Variants in GBF1 observed in about 807,000 individuals in gnomAD.
GBF1 encodes the protein golgi brefeldin A resistant guanine nucleotide exchange factor 1, also known as Golgi-specific brefeldin A-resistance guanine nucleotide exchange factor 1.
In GBF1, 114 loss-of-function variants were observed where a neutral mutation model predicts 210.5. The observed-to-expected ratio is 0.54, with a 90% CI of 0.47 to 0.63. The LOEUF (loss-of-function observed/expected upper bound fraction) is 0.63. GBF1 is among the 30% of genes least tolerant of loss of function. The pLI is 0.00. For missense variants in GBF1, 1,851 were observed against 2,357.7 expected (o/e 0.79, Z 4.45); for synonymous variants, 850 against 889.2 (o/e 0.96, Z 0.78).
rs750471826 is a variant in GBF1 at position 102,375,375 on chromosome 10, G to A, written c.3677G>A (p.Arg1226His). 1.0e-4 allele frequency: 167 copies of A among 1,611,210 alleles called. No homozygotes were observed. Among genetic ancestry groups the A allele is most frequent in the Non-Finnish European group, 1.3e-4 (152 of 1,177,572 alleles). ...CCACTCCAGGTGCTGCTCTCCCTGC[G>A]CATTTTGCTACTGATGAAGCCCAGT... is the stretch of plus-strand genomic sequence containing the variant. ...EISAQVLLSL[R>H]ILLLMKPSVL... is the part of the protein sequence containing the mutation. The change falls in exon 30 of 40, where the codon CGC (arginine) becomes CAC (histidine). Residue 1226 changes from arginine to histidine, a missense_variant. Around this residue, in one of 3 missense-constraint regions of GBF1, gnomAD observed 967 missense variants for 1,247.7 expected, o/e 0.78. Transcript: ENST00000369983.
At position 102,344,175 on chromosome 10, in the gene GBF1, A is replaced by C. The variant is rs746308705; in HGVS notation, c.288A>C (p.Ala96=). 1.5e-5 allele frequency: 25 copies of C among 1,613,148 alleles called. No homozygotes were observed. The South Asian group carries it at 2.6e-4, about 17-fold the overall frequency. Residue 96 remains alanine, a synonymous_variant, in exon 4 of 40, where the codon GCA becomes GCC. Transcript: ENST00000369983. ...CTGTCAACAAGTTCCTGTCCTATGCACTCATAGGTAAGAGCTCAGGCTTTG... is the reference window on the plus strand; with the variant it reads ...CTGTCAACAAGTTCCTGTCCTATGCCCTCATAGGTAAGAGCTCAGGCTTTG... ...LTSVNKFLSY[A]LIDPTHEGTA...
intron 3 of GBF1, among the ~76,000 whole-genome samples, chr10:102,284,335 A>G (rs1189801986): frequency 1.3e-5 from 2 of 152,214 alleles, no homozygotes; most frequent in Non-Finnish European, 2.9e-5. Context: ...CATTTAGTAC[A>G]TTCACAATGT....
intron 3 of GBF1, among the ~76,000 whole-genome samples, chr10:102,280,252 A>T (rs1175803466): frequency 6.6e-6 from 1 of 152,166 alleles, no homozygotes; most frequent in Non-Finnish European, 1.5e-5. Context: ...GGAGAGAAGG[A>T]CAGAGAATAC....
At position 102,368,741 on chromosome 10, in the gene GBF1, A is replaced by C; in HGVS notation, c.2882A>C (p.Lys961Thr). ...IIQKAISGFRKCAMISAHYGL... is the reference protein window; with the variant it reads ...IIQKAISGFRTCAMISAHYGL... ...TGGGATGGGGGGTAACATTACAGGA[A>C]GTGCGCCATGATCTCCGCCCACTAT... Residue 961 changes from lysine to threonine, a missense_variant and splice_region_variant, in exon 23 of 40, where the codon AAG becomes ACG. Transcript: ENST00000369983. 1.2e-6 allele frequency: 2 copies of C among 1,609,752 alleles called. No homozygotes were observed. Among genetic ancestry groups the C allele is most frequent in the Non-Finnish European group, 1.7e-6 (2 of 1,176,112 alleles).
chr10:102,353,737 A>C (rs1589750481), intron 8 of GBF1, 83 bp downstream of exon 8: 2 of 965,136 alleles, frequency 2.1e-6, no homozygotes, highest in East Asian at 4.8e-5. Context: ...CTTGCTTAGC[A>C]AAGATATGCT....
At chr10:102,359,218 T>C (rs1326740292) in intron 10 of GBF1, 49 bp from the exon 11 acceptor site, 4 of 1,339,186 alleles carry the variant, frequency 3.0e-6, no homozygotes, top group Admixed American at 1.7e-5. Flanking sequence ...AAGTTCCAAG[T>C]TGCTCTTGCC....
chr10:102,264,161 A>G (rs911366413), intron 3 of GBF1, among the ~76,000 whole-genome samples: 6 of 152,224 alleles, frequency 3.9e-5, no homozygotes, highest in Non-Finnish European at 7.3e-5. Flanking sequence ...TATGTGAATC[A>G]TATCTCAGTT....
chr10:102,299,503 C>T (rs577626507), intron 3 of GBF1, among the ~76,000 whole-genome samples: 1 of 152,304 alleles, frequency 6.6e-6, no homozygotes, highest in African/African-American at 2.4e-5. Context: ...GTAAAAAGGG[C>T]CAGGCGCAGT....
At position 102,375,464 on chromosome 10, in the gene GBF1, G is replaced by A; in HGVS notation, c.3766G>A (p.Ala1256Thr). 6.2e-7 allele frequency: 1 copy of A among 1,613,612 alleles called. No individual in the cohort carries two copies. ...GLHELLKTNA[A>T]NIHSGDDWAT... ...CCATGAACTCCTGAAGACCAATGCA[G>A]CCAACATCCACTCAGGTGATGACTG... Residue 1256 changes from alanine (A) to threonine (T), a missense_variant, in exon 30 of 40, where the codon GCC (alanine) becomes ACC (threonine). By Grantham distance (58) the Ala-to-Thr change is moderately conservative (BLOSUM62 0). Transcript: ENST00000369983.
intron 36 of GBF1, 65 bp downstream of exon 36, chr10:102,380,019 A>C: frequency 8.7e-7 from 1 of 1,145,396 alleles, no homozygotes; most frequent in Non-Finnish European, 1.3e-6. Context: ...GAGGGAAGCC[A>C]GGGCTTCTGG....
chr10:102,270,752 T>C (rs2074327602), intron 3 of GBF1, among the ~76,000 whole-genome samples: 1 of 152,212 alleles, frequency 6.6e-6, no homozygotes, highest in Admixed American at 6.5e-5. Flanking sequence ...CCAGTTCATA[T>C]TAAACATTTT....
intron 4 of GBF1, among the ~76,000 whole-genome samples, chr10:102,345,025 T>C (rs1338879875): frequency 6.6e-6 from 1 of 152,064 alleles, no homozygotes; most frequent in African/African-American, 2.4e-5. Context: ...GGCTCACGCC[T>C]GTAAGCCTAG....
chr10:102,330,395 T>C (rs2057244964), intron 3 of GBF1, among the ~76,000 whole-genome samples: 1 of 151,914 alleles, frequency 6.6e-6, no homozygotes, highest in Admixed American at 6.6e-5. Flanking sequence ...AATAATATAA[T>C]GTAGCTGGCC....
At chr10:102,233,738 G>A in the GBF1 span, among the ~76,000 whole-genome samples, 2 of 152,198 alleles carry the variant, frequency 1.3e-5, no homozygotes, top group African/African-American at 4.8e-5. Flanking sequence ...TCCCACCAGT[G>A]ACTGCTCCAC....
At chr10:102,326,843 GTTT>G (rs932258058) in intron 3 of GBF1, among the ~76,000 whole-genome samples, 1 of 152,104 alleles carries the variant, frequency 6.6e-6, no homozygotes, top group African/African-American at 2.4e-5. Context: ...TATATCAGTA[GTTT>G]TTTTCTGTTT....
chr10:102,273,926 G>A (rs1017373714), intron 3 of GBF1, among the ~76,000 whole-genome samples: 5 of 152,170 alleles, frequency 3.3e-5, no homozygotes, highest in African/African-American at 7.2e-5. Context: ...AGATTGTTTA[G>A]ACATATCATG....
At chr10:102,343,215 G>A (rs1330749892) in intron 3 of GBF1, among the ~76,000 whole-genome samples, 1 of 152,016 alleles carries the variant, frequency 6.6e-6, no homozygotes, top group Non-Finnish European at 1.5e-5. Context: ...TCTCAGCAAG[G>A]GATTATAAAC....
intron 3 of GBF1, among the ~76,000 whole-genome samples, chr10:102,304,663 A>C (rs2077681012): frequency 6.6e-6 from 1 of 151,982 alleles, no homozygotes; most frequent in Non-Finnish European, 1.5e-5. Flanking sequence ...TAATCTTGCT[A>C]CTAGGGAGGC....
chr10:102,379,821 A>C, intron 35 of GBF1, 32 bp from the exon 36 acceptor site: 2 of 1,546,792 alleles, frequency 1.3e-6, no homozygotes, highest in South Asian at 2.2e-5. Context: ...GCTGAACCTC[A>C]TAGGGAGACA....
Sources: gnomAD v4.1 joint callset for allele counts (sites outside exome capture counted in the v4.1 genomes callset) on GRCh38, gnomAD v4.1.1 for gene constraint, gnomAD v4.1.1 regional missense constraint, MANE v1.5 for transcripts, NCBI Gene and HGNC (gene_info 2026-07-23, HGNC 2026-07-21) for gene names.